PKIB: variants seen among roughly 807,000 people sequenced by gnomAD.
PKIB encodes PKI-beta.
In PKIB, 2 loss-of-function variants were observed where a neutral mutation model predicts 4.5. The ratio of observed to expected loss-of-function variants is 0.44; its 90% CI spans 0.18 to 1.39. The LOEUF (loss-of-function observed/expected upper bound fraction) is 1.39, where lower values mean the gene tolerates loss of function less well. Ranked by LOEUF, PKIB falls within the 40% of genes most tolerant of loss-of-function variation. The pLI is 0.27. For missense variants in PKIB, 94 were observed against 92.6 expected, an observed-to-expected ratio of 1.02 and a Z score of -0.06; for synonymous variants, 38 against 36.0, an observed-to-expected ratio of 1.06 and a Z score of -0.20.
chr6:122,578,001 T>C (rs993250840), intron 2 of PKIB, among the ~76,000 whole-genome samples: 1 of 144,822 alleles, frequency 6.9e-6, no homozygotes, highest in Non-Finnish European at 1.5e-5. Context: ...GTTAGAGGAG[T>C]TTTTTTTTTG....
At chr6:122,471,945 C>T (rs975447459) in exon 1 of PKIB, 4 of 1,147,960 alleles carry the variant, frequency 3.5e-6, no homozygotes, top group Non-Finnish European at 4.7e-6. Flanking sequence ...CTAGACGACA[C>T]GGCTGTCTTC....
At chr6:122,548,368 C>T (rs1199268698) in intron 2 of PKIB, among the ~76,000 whole-genome samples, 1 of 152,024 alleles carries the variant, frequency 6.6e-6, no homozygotes. Flanking sequence ...CTTTCTAAAG[C>T]ATTAAAAAAA....
At chr6:122,696,223 A>G (rs1204653137) in intron 3 of PKIB, among the ~76,000 whole-genome samples, 1 of 152,218 alleles carries the variant, frequency 6.6e-6, no homozygotes, top group Non-Finnish European at 1.5e-5. Context: ...AGCTATCTGA[A>G]ACTGAAGAAC....
intron 2 of PKIB, among the ~76,000 whole-genome samples, chr6:122,525,540 A>G (rs1421369870): frequency 6.6e-6 from 1 of 152,208 alleles, no homozygotes; most frequent in African/African-American, 2.4e-5. Flanking sequence ...ATCACAGACC[A>G]CAAGATCACA....
At chr6:122,647,477 CAAAAT>C (rs1776372267) in intron 2 of PKIB, among the ~76,000 whole-genome samples, 1 of 152,114 alleles carries the variant, frequency 6.6e-6, no homozygotes, top group Admixed American at 6.5e-5. Context: ...TATTTAATCT[CAAAAT>C]AAAGAACATA....
At chr6:122,520,975 G>C (rs1251494841) in intron 2 of PKIB, among the ~76,000 whole-genome samples, 1 of 152,176 alleles carries the variant, frequency 6.6e-6, no homozygotes, top group Non-Finnish European at 1.5e-5. Context: ...CATCAGGTGA[G>C]TATGACGGAT....
At chr6:122,514,545 G>C (rs957314112) in intron 2 of PKIB, among the ~76,000 whole-genome samples, 11 of 152,144 alleles carry the variant, frequency 7.2e-5, no homozygotes, top group African/African-American at 2.2e-4. Flanking sequence ...TCACAAAGTG[G>C]CATATATTTG....
intron 2 of PKIB, among the ~76,000 whole-genome samples, chr6:122,636,494 A>T (rs915593061): frequency 1.3e-5 from 2 of 152,070 alleles, no homozygotes; most frequent in African/African-American, 4.8e-5. Context: ...AATGTACAAG[A>T]CTTAAGAAAA....
intron 2 of PKIB, among the ~76,000 whole-genome samples, chr6:122,661,424 T>A (rs1341628054): frequency 6.6e-6 from 1 of 152,234 alleles, no homozygotes; most frequent in Non-Finnish European, 1.5e-5. Context: ...TAAATTTGCA[T>A]ATTTTGGACA....
At chr6:122,484,034 T>G (rs969582432) in intron 2 of PKIB, 3 of 152,182 alleles carry the variant, frequency 2.0e-5, no homozygotes, top group Non-Finnish European at 4.4e-5. Flanking sequence ...GAGGCCAGAT[T>G]AATTTGTAGA....
intron 3 of PKIB, among the ~76,000 whole-genome samples, chr6:122,686,571 C>G (rs866384374): frequency 4.0e-5 from 6 of 151,868 alleles, no homozygotes; most frequent in African/African-American, 7.3e-5. Context: ...GATCATGGCT[C>G]GCTGCAGCCT....
exon 1 of PKIB, chr6:122,472,017 C>T (rs1775318501): frequency 1.1e-5 from 7 of 640,472 alleles, no homozygotes; most frequent in South Asian, 4.8e-5. Flanking sequence ...TGGATCTGAC[C>T]GTAGTTTGCC....
intron 2 of PKIB, among the ~76,000 whole-genome samples, chr6:122,667,027 A>G (rs1777246730): frequency 6.6e-6 from 1 of 152,022 alleles, no homozygotes; most frequent in South Asian, 2.1e-4. Context: ...GCACTCCACA[A>G]TTGTTTGCTC....
chr6:122,659,879 G>GA (rs944317727), intron 2 of PKIB, among the ~76,000 whole-genome samples: 15 of 150,920 alleles, frequency 9.9e-5, no homozygotes, highest in East Asian at 1.9e-4. Context: ...GAAAAAAATG[G>GA]AAAAAAAACA....
chr6:122,553,876 C>T (rs1384615865), intron 2 of PKIB, among the ~76,000 whole-genome samples: 5 of 152,108 alleles, frequency 3.3e-5, no homozygotes, highest in African/African-American at 9.7e-5. Context: ...GACTGCACCA[C>T]CCTGCTATTT....
intron 3 of PKIB, among the ~76,000 whole-genome samples, chr6:122,699,286 T>C (rs61043938): frequency 6.3e-4 from 2 of 3,150 alleles, no homozygotes; most frequent in South Asian, 0.025. Flanking sequence ...TGAACTAAAA[T>C]ATATATATAT....
chr6:122,594,144 TA>T (rs1562263185), intron 3 of PKIB, among the ~76,000 whole-genome samples: 1 of 151,930 alleles, frequency 6.6e-6, no homozygotes, highest in Non-Finnish European at 1.5e-5. Flanking sequence ...TAACAATACT[TA>T]AATGCTGATG....
At chr6:122,504,329 C>T (rs534962832) in intron 2 of PKIB, among the ~76,000 whole-genome samples, 1 of 152,130 alleles carries the variant, frequency 6.6e-6, no homozygotes, top group Non-Finnish European at 1.5e-5. Context: ...GATAAAATAA[C>T]TCATTTAACT....
chr6:122,532,192 T>G (rs1003250315), intron 2 of PKIB, among the ~76,000 whole-genome samples: 4 of 152,280 alleles, frequency 2.6e-5, no homozygotes, highest in African/African-American at 4.8e-5. Context: ...ATGAGAAAAA[T>G]AAAGTATCTA....
Sources: allele counts gnomAD v4.1 joint callset (sites outside exome capture counted in the v4.1 genomes callset), GRCh38; gene constraint gnomAD v4.1.1; transcripts MANE v1.5; gene names NCBI Gene and HGNC (gene_info 2026-07-23, HGNC 2026-07-21).